The following KIAA1614 variants were observed in gnomAD, a reference collection of about 807,000 sequenced individuals.
The protein encoded by KIAA1614 is uncharacterized protein KIAA1614.
Under a neutral mutation model 88.7 loss-of-function variants are expected in KIAA1614, and 76 were observed. The observed-to-expected ratio is 0.86, with a 90% CI of 0.71 to 1.04. The LOEUF (loss-of-function observed/expected upper bound fraction) is 1.04. Among genes scored for constraint, KIAA1614 ranks in the 50% least tolerant of loss-of-function variants. The pLI, the probability that KIAA1614 is intolerant of heterozygous loss-of-function variation, is 0.00. For missense variants in KIAA1614, 1,553 were observed against 1,582.5 expected (o/e 0.98, Z 0.32); for synonymous variants, 714 against 675.5 (o/e 1.06, Z -0.88).
chr1:180,949,963 A>T lies in KIAA1614; in HGVS notation c.*4375A>T, dbSNP rs1355562750. On this transcript the variant is annotated 3_prime_UTR_variant, in exon 9 of 9. Transcript: ENST00000367588. Reference sequence around the variant, plus strand: ...TGAGTAGGTATGGTTCCTAATTTTTAAAAACTATTTTCCTCCCAATTCTAC... The same window carrying T: ...TGAGTAGGTATGGTTCCTAATTTTTTAAAACTATTTTCCTCCCAATTCTAC... 6.6e-6 allele frequency: 1 copy of T among 152,344 alleles called. No individual in the cohort carries two copies. Among genetic ancestry groups the T allele is most frequent in the African/African-American group, 2.4e-5 (1 of 41,470 alleles). The allele number at this position is 152,344 out of a possible 1,614,324, so 9.4% of individuals were successfully genotyped here.
chr1:180,915,662 C>T (rs1310649787), intron 1 of KIAA1614, among the ~76,000 whole-genome samples: 1 of 152,302 alleles, frequency 6.6e-6, no homozygotes, highest in Non-Finnish European at 1.5e-5. Flanking sequence ...CCCCAACCCC[C>T]GGGGCCACGA....
chr1:180,936,715 G>A, intron 5 of KIAA1614, 45 bp downstream of exon 5: 1 of 1,342,180 alleles, frequency 7.5e-7, no homozygotes, highest in Non-Finnish European at 9.9e-7. Flanking sequence ...GCCTGGTGTG[G>A]TTCTACAGCA....
intron 5 of KIAA1614, 39 bp from the exon 6 acceptor site, chr1:180,938,516 A>C (rs1558071555): frequency 6.2e-7 from 1 of 1,605,174 alleles, no homozygotes; most frequent in African/African-American, 1.3e-5. Context: ...CTGTGGGATG[A>C]GCCGGTCTGA....
intron 8 of KIAA1614, 40 bp from the exon 9 acceptor site, chr1:180,945,263 G>T: frequency 1.3e-6 from 2 of 1,557,928 alleles, no homozygotes; most frequent in South Asian, 2.4e-5. Context: ...CCCAGTGCCT[G>T]ATGCTTTTTG....
chr1:180,916,969 G>A lies in KIAA1614; in HGVS notation c.866G>A (p.Ser289Asn), dbSNP rs781106519. ...CTGGAGGCTCTGGGCGCTGGGAGCA[G>A]TGTCTTGTCCCTGTCTGATCGGGTG... ...GDLEALGAGSSVLSLSDRVER... is the reference protein window; with the variant it reads ...GDLEALGAGSNVLSLSDRVER... Residue 289 changes from serine to asparagine, a missense_variant, in exon 2 of 9, where the codon AGT becomes AAT. Coordinates refer to ENST00000367588, the MANE Select transcript of KIAA1614 (RefSeq NM_020950.2). The A allele has an allele frequency of 6.2e-7, 1 of 1,614,106 alleles. No homozygotes were observed. The highest frequency in any genetic ancestry group is 8.5e-7 in the Non-Finnish European group (1 of 1,180,056).
intron 1 of KIAA1614, among the ~76,000 whole-genome samples, chr1:180,913,616 A>C (rs1653711261): frequency 6.6e-6 from 1 of 152,194 alleles, no homozygotes; most frequent in African/African-American, 2.4e-5. Context: ...GAGTTTACCC[A>C]TCAACAATTC....
chr1:180,917,822 C>T lies in KIAA1614; in HGVS notation c.998-29C>T. 1.9e-6 allele frequency: 3 copies of T among 1,605,602 alleles called. 1 individual carries two copies. Among genetic ancestry groups the T allele is most frequent in the East Asian group, 2.2e-5 (1 of 44,822 alleles). On this transcript the variant is annotated intron_variant, in intron 2 of 8. Coordinates refer to ENST00000367588, the MANE Select transcript of KIAA1614 (RefSeq NM_020950.2). The stretch of plus-strand genomic sequence containing the variant: ...TGAGAGCCCTGTTTCTGGCTCTGTC[C>T]TGATCTCTGCTTCTGTTCTGGATCC...
At chr1:180,944,013 C>T (rs1269130479) in intron 7 of KIAA1614, 1 of 159,130 alleles carries the variant, frequency 6.3e-6, no homozygotes, top group Non-Finnish European at 1.4e-5. Flanking sequence ...TCATAAAAGA[C>T]ATACTAAAGA....
intron 7 of KIAA1614, among the ~76,000 whole-genome samples, chr1:180,942,159 T>C (rs1654483601): frequency 6.7e-6 from 1 of 148,604 alleles, no homozygotes; most frequent in African/African-American, 2.5e-5. Context: ...CTCTCAGCCC[T>C]CACTGGAGTG....
intron 3 of KIAA1614, among the ~76,000 whole-genome samples, chr1:180,923,720 G>A (rs1654003900): frequency 6.6e-6 from 1 of 151,920 alleles, no homozygotes; most frequent in Admixed American, 6.5e-5. Flanking sequence ...TGTGAGTAAG[G>A]GCTCAGCAAG....
rs374184068 is a variant in KIAA1614, at chr1:180,928,483, C to T, written c.1115C>T (p.Thr372Met). Residue 372 changes from threonine (T) to methionine (M), a missense_variant, in exon 4 of 9, where the codon ACG (threonine) becomes ATG (methionine). Thr to Met is a moderately conservative substitution (Grantham distance 81). Transcript: ENST00000367588. ...PVLSPRHEEATHLLQRARMKA... is the reference protein window; with the variant it reads ...PVLSPRHEEAMHLLQRARMKA... ...CTGAGCCCCAGGCATGAGGAAGCCA[C>T]GCATCTGCTGCAGCGTGCCCGCATG... 1.6e-5 allele frequency: 26 copies of T among 1,613,174 alleles called. No homozygotes were observed. The highest frequency in any genetic ancestry group is 1.6e-4 in the Middle Eastern group (1 of 6,080).
intron 6 of KIAA1614, among the ~76,000 whole-genome samples, chr1:180,938,955 C>T (rs1033727015): frequency 3.3e-5 from 5 of 152,352 alleles, no homozygotes; most frequent in East Asian, 1.9e-4. Context: ...GACACTGTGC[C>T]GGTGCCTGGG....
intron 3 of KIAA1614, among the ~76,000 whole-genome samples, chr1:180,927,625 C>A (rs377250160): frequency 6.6e-6 from 1 of 152,122 alleles, no homozygotes; most frequent in Non-Finnish European, 1.5e-5. Flanking sequence ...TGTAACCCAG[C>A]GCGGGCTGTA....
At chr1:180,938,918 G>C (rs1426082291) in intron 6 of KIAA1614, among the ~76,000 whole-genome samples, 3 of 152,204 alleles carry the variant, frequency 2.0e-5, no homozygotes, top group Non-Finnish European at 4.4e-5. Flanking sequence ...CATTCATGGA[G>C]CATCCATTGA....
chr1:180,916,688 T>C lies in KIAA1614; in HGVS notation c.585T>C (p.Pro195=). 2 of 1,609,942 alleles carry C rather than the reference T, an allele frequency of 1.2e-6. No homozygotes were observed. The highest frequency in any genetic ancestry group is 4.5e-5 in the East Asian group (2 of 44,834). The change falls in exon 2 of 9, where the codon CCT becomes CCC. Residue 195 remains proline, a synonymous_variant. Coordinates refer to ENST00000367588, the MANE Select transcript of KIAA1614 (RefSeq NM_020950.2). The part of the protein sequence containing the change: ...PWPPEAEWTL[P]DHDRGPLLGP... ...CTCCAGAAGCCGAATGGACACTTCCTGACCATGACAGAGGTCCGCTGCTGG... is the reference window on the plus strand; with the variant it reads ...CTCCAGAAGCCGAATGGACACTTCCCGACCATGACAGAGGTCCGCTGCTGG...
intron 4 of KIAA1614, among the ~76,000 whole-genome samples, chr1:180,930,555 G>A (rs1054874684): frequency 5.3e-5 from 8 of 152,120 alleles, no homozygotes; most frequent in Non-Finnish European, 1.0e-4. Context: ...AGGTTAGGTC[G>A]GATAGCCTCA....
Position 180,941,207 on chromosome 1 carries a change from C to T in KIAA1614, c.3081C>T (p.Tyr1027=). ...SRPKLGKSRS[Y]SVEQLQPAPP... ...CCAAGCTGGGCAAGTCCCGCAGCTA[C>T]AGTGTGGAGCAGTTGCAGCCCGCCC... The change falls in exon 7 of 9, where the codon TAC becomes TAT. Residue 1027 remains tyrosine, a synonymous_variant. Coordinates refer to ENST00000367588, the MANE Select transcript of KIAA1614 (RefSeq NM_020950.2). 6.2e-7 allele frequency: 1 copy of T among 1,613,902 alleles called. No homozygotes were observed.
rs369925229 is a variant in KIAA1614 at position 180,936,457 on chromosome 1, G to A, written c.2548G>A (p.Ala850Thr). The A allele has an allele frequency of 2.0e-5, 32 of 1,614,000 alleles. No homozygotes were observed. Among genetic ancestry groups the A allele is most frequent in the African/African-American group, 2.7e-5 (2 of 75,038 alleles). Residue 850 changes from alanine (A) to threonine (T), a missense_variant, in exon 5 of 9, where the codon GCG becomes ACG. Physicochemically the swap from Ala to Thr is moderately conservative, Grantham distance 58. Transcript: ENST00000367588. ...TATCCCTCGGCCTCCTTCAAGAAGC[G>A]CGGTTCTCAGGACCTGTGAGCTGCC... ...VGIPRPPSRSAVLRTCELPPS... is the reference protein window; with the variant it reads ...VGIPRPPSRSTVLRTCELPPS...
At chr1:180,928,262 C>A in intron 3 of KIAA1614, 168 bp from the exon 4 acceptor site, 1 of 808,262 alleles carries the variant, frequency 1.2e-6, no homozygotes, top group East Asian at 2.9e-5. Flanking sequence ...GCCCCAGGCC[C>A]CAGGCCCCCA....
Sources: gnomAD v4.1 joint callset for allele counts (sites outside exome capture counted in the v4.1 genomes callset) on GRCh38, gnomAD v4.1.1 for gene constraint, MANE v1.5 for transcripts, NCBI Gene and HGNC (gene_info 2026-07-23, HGNC 2026-07-21) for gene names.